Variants in NTNG1 observed in about 807,000 individuals in gnomAD.
NTNG1 encodes the protein netrin-G1.
In NTNG1, 16 loss-of-function variants were observed where a neutral mutation model predicts 54.0. That is an observed-to-expected ratio of 0.30 (90% CI 0.20 to 0.45). NTNG1 has a LOEUF of 0.45. Ranked by LOEUF, NTNG1 falls within the 20% of genes least tolerant of loss-of-function variation. The probability of loss-of-function intolerance (pLI) is 1.00; values close to 1 mark genes in which losing one functional copy is unlikely to be tolerated. For missense variants in NTNG1, 530 were observed against 678.7 expected, an observed-to-expected ratio of 0.78 and a Z score of 2.43; for synonymous variants, 255 against 263.1, an observed-to-expected ratio of 0.97 and a Z score of 0.30.
intron 7 of NTNG1, among the ~76,000 whole-genome samples, chr1:107,439,855 G>A (rs997288310): frequency 6.6e-6 from 1 of 151,866 alleles, no homozygotes; most frequent in Non-Finnish European, 1.5e-5. Context: ...ATTAGTTGGT[G>A]CTGGAAGGTT....
In NTNG1 at chr1:107,354,256, G is replaced by T. The variant is rs1321789963; in HGVS notation, c.887+29334G>T. The stretch of plus-strand genomic sequence containing the variant: ...GAGGCTGAAGCGGGCAGATCATGAG[G>T]TCAAGAGTTCAAGACCAGCCTGGCC... On this transcript the variant is annotated intron_variant, in intron 3 of 7. Coordinates refer to ENST00000370068, the MANE Select transcript of NTNG1 (RefSeq NM_001113226.3). Among the ~76,000 whole-genome samples, 56 of 151,938 alleles carry T rather than the reference G, an allele frequency of 3.7e-4. 2 individuals are homozygous for T. The East Asian group carries it at 9.3e-3, about 25-fold the overall frequency.
intron 2 of NTNG1, among the ~76,000 whole-genome samples, chr1:107,262,846 G>T (rs1294363631): frequency 6.6e-6 from 1 of 152,210 alleles, no homozygotes; most frequent in Non-Finnish European, 1.5e-5. Flanking sequence ...CCCTCTGTTG[G>T]TAGTGGACAG....
At chr1:107,149,590 C>CT (rs755992202) in intron 2 of NTNG1, among the ~76,000 whole-genome samples, 90 of 151,704 alleles carry the variant, frequency 5.9e-4, no homozygotes, top group Non-Finnish European at 8.4e-4. Context: ...TATATAAGTC[C>CT]TTTTTTTTCT....
intron 5 of NTNG1, chr1:107,408,287 T>C (rs1441657898): frequency 6.2e-6 from 1 of 162,260 alleles, no homozygotes; most frequent in African/African-American, 2.4e-5. Context: ...TGTACATTCA[T>C]TTCTCCTTCC....
At chr1:107,374,092 C>G (rs1487699474) in intron 3 of NTNG1, among the ~76,000 whole-genome samples, 2 of 152,130 alleles carry the variant, frequency 1.3e-5, no homozygotes, top group Admixed American at 6.5e-5. Context: ...GAAGATTTTA[C>G]TCTACTGTCT....
intron 2 of NTNG1, among the ~76,000 whole-genome samples, chr1:107,275,212 A>G (rs1343345090): frequency 6.6e-6 from 1 of 152,112 alleles, no homozygotes; most frequent in Non-Finnish European, 1.5e-5. Context: ...CCCTGTCTCT[A>G]CTAAAAATAC....
chr1:107,211,822 A>G (rs1398385569), intron 2 of NTNG1, among the ~76,000 whole-genome samples: 1 of 152,212 alleles, frequency 6.6e-6, no homozygotes, highest in Admixed American at 6.5e-5. Context: ...AAGGAAAGGA[A>G]GTCTAATGAA....
chr1:107,148,312 C>T lies in NTNG1; in HGVS notation c.-282C>T, dbSNP rs976720819. 1 of 362,632 alleles carries T rather than the reference C, an allele frequency of 2.8e-6. No homozygotes were observed. The highest frequency in any genetic ancestry group is 5.1e-6 in the Non-Finnish European group (1 of 197,876). 22.5% of individuals were successfully genotyped at this position (362,632 alleles called of 1,614,324 possible). A position where few individuals can be genotyped will look rare whatever the true frequency, so the allele number is the denominator to read the frequency against. On this transcript the variant is annotated 5_prime_UTR_variant, in exon 2 of 8. Coordinates refer to ENST00000370068, the MANE Select transcript of NTNG1 (RefSeq NM_001113226.3). The stretch of plus-strand genomic sequence containing the variant: ...TAGACCTGAGTCTAATAGATATGTT[C>T]TAAGACAAAGAAAAAGCTGCAAGTT...
intron 7 of NTNG1, among the ~76,000 whole-genome samples, chr1:107,453,280 G>A (rs1676733149): frequency 6.6e-6 from 1 of 152,230 alleles, no homozygotes; most frequent in Middle Eastern, 3.4e-3. Flanking sequence ...TCATCAAGAA[G>A]GCAAAGCACC....
chr1:107,301,978 C>T (rs1047826033), intron 2 of NTNG1, among the ~76,000 whole-genome samples: 1 of 152,082 alleles, frequency 6.6e-6, no homozygotes, highest in South Asian at 2.1e-4. Flanking sequence ...TGCTGTTTGC[C>T]AGCTCTTTCC....
At chr1:107,165,034 C>T (rs1352657568) in intron 2 of NTNG1, among the ~76,000 whole-genome samples, 4 of 151,844 alleles carry the variant, frequency 2.6e-5, no homozygotes, top group African/African-American at 7.3e-5. Context: ...AGTAGTTTGG[C>T]GGGAAGGGCG....
chr1:107,368,596 G>A (rs758361862), intron 3 of NTNG1, among the ~76,000 whole-genome samples: 12 of 152,184 alleles, frequency 7.9e-5, no homozygotes, highest in Non-Finnish European at 1.3e-4. Flanking sequence ...CACTCACTGA[G>A]TACTGCCTAT....
intron 2 of NTNG1, among the ~76,000 whole-genome samples, chr1:107,277,786 A>G (rs3125675): frequency 0.015 from 2,346 of 152,344 alleles, 56 homozygotes; most frequent in African/African-American, 0.054. Flanking sequence ...AGTCTGTTGT[A>G]TAGAATAGAG....
intron 3 of NTNG1, among the ~76,000 whole-genome samples, chr1:107,349,094 T>C (rs866573278): frequency 4.6e-5 from 7 of 152,152 alleles, no homozygotes; most frequent in Non-Finnish European, 1.5e-5. Context: ...CACAGAGCCT[T>C]CTTCTGTTCC....
chr1:107,192,095 T>C (rs1278367862), intron 2 of NTNG1, among the ~76,000 whole-genome samples: 6 of 152,144 alleles, frequency 3.9e-5, no homozygotes, highest in East Asian at 1.9e-4. Context: ...GTATCCTCTT[T>C]TATTTCATTG....
chr1:107,217,514 G>A (rs887000364), intron 2 of NTNG1, among the ~76,000 whole-genome samples: 30 of 152,066 alleles, frequency 2.0e-4, no homozygotes, highest in African/African-American at 6.8e-4. Flanking sequence ...GTTTGTTCCT[G>A]TTTCTCCAGC....
chr1:107,190,245 T>G (rs912163457), intron 2 of NTNG1, among the ~76,000 whole-genome samples: 7 of 152,042 alleles, frequency 4.6e-5, no homozygotes, highest in Non-Finnish European at 1.5e-5. Flanking sequence ...TGGTAATGGT[T>G]GCAAAGCAAT....
intron 2 of NTNG1, among the ~76,000 whole-genome samples, chr1:107,160,268 C>T (rs536059152): frequency 6.6e-6 from 1 of 152,246 alleles, no homozygotes; most frequent in African/African-American, 2.4e-5. Flanking sequence ...ATTCATCTAG[C>T]TGCTGAAGAT....
intron 6 of NTNG1, among the ~76,000 whole-genome samples, chr1:107,432,909 AC>A (rs1557995701): frequency 6.6e-6 from 1 of 152,148 alleles, no homozygotes; most frequent in African/African-American, 2.4e-5. Context: ...TGTGAACTCC[AC>A]ATCTGCTTCT....
Sources: gnomAD v4.1 joint callset for allele counts (sites outside exome capture counted in the v4.1 genomes callset) on GRCh38, gnomAD v4.1.1 for gene constraint, MANE v1.5 for transcripts, NCBI Gene and HGNC (gene_info 2026-07-23, HGNC 2026-07-21) for gene names.